XKR4: variants seen among roughly 807,000 people sequenced by gnomAD.
XKR4 encodes the protein XK related 4.
In XKR4, 12 loss-of-function variants were observed where a neutral mutation model predicts 53.9. The ratio of observed to expected loss-of-function variants is 0.22; its 90% CI spans 0.14 to 0.36. The LOEUF (loss-of-function observed/expected upper bound fraction) is 0.36, where lower values mean the gene tolerates loss of function less well. Ranked by LOEUF, XKR4 falls within the 10% of genes least tolerant of loss-of-function variation. The pLI, the probability that XKR4 is intolerant of heterozygous loss-of-function variation, is 1.00. For missense variants in XKR4, 799 were observed against 859.5 expected, an observed-to-expected ratio of 0.93 and a Z score of 0.88; for synonymous variants, 354 against 362.4, an observed-to-expected ratio of 0.98 and a Z score of 0.26.
chr8:55,491,086 CTT>C (rs1391426632), intron 2 of XKR4, among the ~76,000 whole-genome samples: 3 of 152,112 alleles, frequency 2.0e-5, no homozygotes, highest in Admixed American at 6.5e-5. Flanking sequence ...AGCTCACTGA[CTT>C]TATCTTATGA....
At chr8:55,204,169 C>T (rs1362354901) in intron 1 of XKR4, among the ~76,000 whole-genome samples, 1 of 95,236 alleles carries the variant, frequency 1.1e-5, no homozygotes, top group Non-Finnish European at 2.8e-5. Context: ...GCCAACATAC[C>T]CTGCTAATTT....
At chr8:55,512,094 G>C (rs541460287) in intron 2 of XKR4, among the ~76,000 whole-genome samples, 2 of 152,176 alleles carry the variant, frequency 1.3e-5, no homozygotes, top group East Asian at 3.9e-4. Flanking sequence ...ATGAAAAATG[G>C]GTGAAGTCAA....
At position 55,376,954 on chromosome 8, in the gene XKR4, T is replaced by TCACAAACA. The variant is rs1554521134; in HGVS notation, c.1006+19081_1006+19082insAACACACA. Among the ~76,000 whole-genome samples, 22 of 145,520 alleles carry TCACAAACA rather than the reference T, an allele frequency of 1.5e-4. No individual in the cohort carries two copies. In the South Asian group the frequency reaches 4.8e-3, roughly 32 times the overall value. On this transcript the variant is annotated intron_variant, in intron 2 of 2. Coordinates refer to ENST00000327381, the MANE Select transcript of XKR4 (RefSeq NM_052898.2). Reference sequence around the variant, plus strand: ...TCCATACACACACACAAACACACACTCACACACACACACACACACACAGAG... The same window carrying TCACAAACA: ...TCCATACACACACACAAACACACACTCACAAACACACACACACACACACACACACAGAG...
At chr8:55,233,359 T>C (rs1202897802) in intron 1 of XKR4, among the ~76,000 whole-genome samples, 1 of 151,892 alleles carries the variant, frequency 6.6e-6, no homozygotes, top group Non-Finnish European at 1.5e-5. Flanking sequence ...CTTATGTCAT[T>C]CTAAATTCCC....
intron 2 of XKR4, among the ~76,000 whole-genome samples, chr8:55,397,681 C>T (rs768846883): frequency 2.0e-4 from 30 of 152,058 alleles, no homozygotes; most frequent in South Asian, 2.1e-4. Flanking sequence ...CAAGTGCACA[C>T]GACTCCCAAG....
chr8:55,226,432 G>A (rs1268989248), intron 1 of XKR4, among the ~76,000 whole-genome samples: 2 of 152,184 alleles, frequency 1.3e-5, no homozygotes, highest in Admixed American at 1.3e-4. Context: ...CACTGCCTGT[G>A]ACCTATGACA....
intron 2 of XKR4, chr8:55,453,837 C>A: frequency 4.0e-6 from 2 of 503,852 alleles, no homozygotes; most frequent in South Asian, 1.7e-5. Context: ...TGTGCCACAT[C>A]GTGGGCCACC....
intron 1 of XKR4, among the ~76,000 whole-genome samples, chr8:55,326,151 A>G (rs1325749881): frequency 6.6e-6 from 1 of 152,188 alleles, no homozygotes; most frequent in African/African-American, 2.4e-5. Flanking sequence ...ATAAATACAG[A>G]GGAAAGAATA....
chr8:55,183,837 G>A (rs1344901156), intron 1 of XKR4, among the ~76,000 whole-genome samples: 1 of 152,176 alleles, frequency 6.6e-6, no homozygotes, highest in Non-Finnish European at 1.5e-5. Context: ...GAGTGTTGAA[G>A]TCTCTTAAGT....
chr8:55,451,476 G>A (rs1805442370), intron 2 of XKR4: 1 of 1,227,362 alleles, frequency 8.1e-7, no homozygotes, highest in South Asian at 1.3e-5. Flanking sequence ...GGCTACTCGA[G>A]TCTGCCTGGA....
At chr8:55,196,175 C>CTTTTTT (rs1032613430) in intron 1 of XKR4, among the ~76,000 whole-genome samples, 19 of 125,942 alleles carry the variant, frequency 1.5e-4, no homozygotes, top group Non-Finnish European at 2.1e-4. Flanking sequence ...GTTGTGCTTC[C>CTTTTTT]TTTTTTTTTT....
In XKR4 at chr8:55,534,160, T is replaced by C. The variant is rs1202691203; in HGVS notation, c.*9933T>C. ...CCATTGTCAGCATTGTAATAACCAA[T>C]TTATAAAAATTGAGTTTTTATTCAG... On this transcript the variant is annotated 3_prime_UTR_variant, in exon 3 of 3. Transcript: ENST00000327381. 1.3e-5 allele frequency: 2 copies of C among 152,102 alleles called. No homozygotes were observed. Among genetic ancestry groups the C allele is most frequent in the African/African-American group, 4.8e-5 (2 of 41,424 alleles). The allele number at this position is 152,102 out of a possible 1,614,324, so 9.4% of individuals were successfully genotyped here.
intron 2 of XKR4, among the ~76,000 whole-genome samples, chr8:55,467,396 A>G (rs978305713): frequency 1.3e-5 from 2 of 152,110 alleles, no homozygotes; most frequent in Admixed American, 6.5e-5. Context: ...CCTTTGCCAT[A>G]TTCTGTAACA....
chr8:55,242,244 A>C (rs1207464565), intron 1 of XKR4, among the ~76,000 whole-genome samples: 1 of 152,160 alleles, frequency 6.6e-6, no homozygotes, highest in Non-Finnish European at 1.5e-5. Flanking sequence ...CAGAGACACC[A>C]CTTTGGAGTG....
At chr8:55,181,016 T>C (rs1401443043) in intron 1 of XKR4, among the ~76,000 whole-genome samples, 1 of 152,182 alleles carries the variant, frequency 6.6e-6, no homozygotes, top group East Asian at 1.9e-4. Context: ...GAGGAATCCA[T>C]TGAATTAAAA....
At chr8:55,361,414 T>C (rs1243404308) in intron 2 of XKR4, among the ~76,000 whole-genome samples, 2 of 152,160 alleles carry the variant, frequency 1.3e-5, no homozygotes, top group Admixed American at 6.5e-5. Context: ...GCTCTCTACC[T>C]GTTTAGTGAG....
At chr8:55,106,041 A>C (rs1382660278) in intron 1 of XKR4, among the ~76,000 whole-genome samples, 1 of 152,222 alleles carries the variant, frequency 6.6e-6, no homozygotes, top group Non-Finnish European at 1.5e-5. Context: ...CAAATATTGC[A>C]GAAACACCAG....
At chr8:55,343,735 G>A (rs1178104219) in intron 1 of XKR4, among the ~76,000 whole-genome samples, 3 of 151,940 alleles carry the variant, frequency 2.0e-5, no homozygotes, top group Non-Finnish European at 4.4e-5. Context: ...CCAGACCTTG[G>A]GTTCTTTTAT....
chr8:55,451,218 G>A, intron 2 of XKR4: 1 of 563,632 alleles, frequency 1.8e-6, no homozygotes, highest in Admixed American at 3.2e-5. Context: ...AGCTAGCTGG[G>A]AGCCCACATT....
Sources: gnomAD v4.1 joint callset for allele counts (sites outside exome capture counted in the v4.1 genomes callset) on GRCh38, gnomAD v4.1.1 for gene constraint, MANE v1.5 for transcripts, NCBI Gene and HGNC (gene_info 2026-07-23, HGNC 2026-07-21) for gene names.